NPAS2: variants seen among roughly 807,000 people sequenced by gnomAD.
NPAS2 encodes neuronal PAS domain-containing protein 2.
NPAS2 carries 23 observed loss-of-function variants against 107.5 expected under a neutral mutation model. That is an observed-to-expected ratio of 0.21 (90% CI 0.15 to 0.30). The LOEUF (loss-of-function observed/expected upper bound fraction) is 0.30. Ranked by LOEUF, NPAS2 falls within the 10% of genes least tolerant of loss-of-function variation. The pLI, the probability that NPAS2 is intolerant of heterozygous loss-of-function variation, is 1.00. For synonymous variants in NPAS2, 403 were observed against 417.5 expected (o/e 0.97, Z 0.42); for missense variants, 756 against 1,043.3 (o/e 0.72, Z 3.79).
intron 7 of NPAS2, among the ~76,000 whole-genome samples, chr2:100,956,315 A>T (rs1427471073): frequency 6.6e-6 from 1 of 152,164 alleles, no homozygotes; most frequent in East Asian, 1.9e-4. Flanking sequence ...CAGTGAGCAC[A>T]GCACCTGACA....
chr2:100,952,483 G>C (rs1488714598), intron 7 of NPAS2, among the ~76,000 whole-genome samples: 1 of 152,032 alleles, frequency 6.6e-6, no homozygotes, highest in Admixed American at 6.5e-5. Context: ...AGAATTACTT[G>C]AACCTGGGAG....
rs781706781 is a variant in NPAS2, at chr2:100,937,806, C to T, written c.327C>T (p.Val109=). Residue 109 remains valine (V), a synonymous_variant, in exon 5 of 21, where the codon GTC becomes GTT. Coordinates refer to ENST00000335681, the MANE Select transcript of NPAS2 (RefSeq NM_002518.4). ...AVTTDGSIIY[V]SDSITPLLGH... ...CAACAGACGGCAGCATCATCTATGT[C>T]TCTGACAGTATCACGCCTCTCCTTG... is the stretch of plus-strand genomic sequence containing the variant. 2 of 1,614,144 alleles carry T rather than the reference C, an allele frequency of 1.2e-6. No homozygotes were observed. Among genetic ancestry groups the T allele is most frequent in the Non-Finnish European group, 1.7e-6 (2 of 1,179,986 alleles).
intron 1 of NPAS2, chr2:100,901,589 C>T (rs1199329168): frequency 2.0e-6 from 2 of 978,960 alleles, no homozygotes; most frequent in African/African-American, 1.8e-5. Context: ...GGAGATGCAG[C>T]AGGAGATCAG....
At chr2:100,875,916 C>T (rs1033448843) in intron 1 of NPAS2, among the ~76,000 whole-genome samples, 1 of 152,142 alleles carries the variant, frequency 6.6e-6, no homozygotes, top group Non-Finnish European at 1.5e-5. Flanking sequence ...GATATTAGCA[C>T]AGAAGGGAAA....
In NPAS2 at chr2:100,944,479, G is replaced by A. The variant is rs1027372281; in HGVS notation, c.364-3756G>A. Among the ~76,000 whole-genome samples, 4 of 152,114 alleles carry A rather than the reference G, an allele frequency of 2.6e-5. No individual in the cohort carries two copies. In the East Asian group the frequency reaches 7.7e-4, roughly 29 times the overall value. Reference sequence around the variant, plus strand: ...GTGACCTTCCCGATCGTGGGACTCGGCTGTAAAGACGGCTGTGGATGGCAC... The same window carrying A: ...GTGACCTTCCCGATCGTGGGACTCGACTGTAAAGACGGCTGTGGATGGCAC... On this transcript the variant is annotated intron_variant, in intron 5 of 20. Coordinates refer to ENST00000335681, the MANE Select transcript of NPAS2 (RefSeq NM_002518.4).
chr2:100,937,989 A>G, intron 5 of NPAS2, 147 bp downstream of exon 5: 1 of 724,148 alleles, frequency 1.4e-6, no homozygotes. Context: ...AGTTTTGGGG[A>G]CAGGACCAGG....
intron 1 of NPAS2, among the ~76,000 whole-genome samples, chr2:100,842,118 C>T (rs1022464861): frequency 1.3e-5 from 2 of 152,056 alleles, no homozygotes; most frequent in South Asian, 4.2e-4. Flanking sequence ...CACTTAAGCC[C>T]CCAGGTGCCA....
chr2:100,850,934 C>T (rs1678129916), intron 1 of NPAS2, among the ~76,000 whole-genome samples: 1 of 88,772 alleles, frequency 1.1e-5, no homozygotes, highest in Non-Finnish European at 2.0e-5. Flanking sequence ...GCCTGGGCAA[C>T]AAGAGTGAAA....
chr2:100,959,124 G>T (rs905940600), intron 7 of NPAS2, among the ~76,000 whole-genome samples: 1 of 138,196 alleles, frequency 7.2e-6, no homozygotes, highest in Non-Finnish European at 1.5e-5. Context: ...ACTAAAATTA[G>T]CCAGGCATGG....
intron 20 of NPAS2, 28 bp from the exon 21 acceptor site, chr2:100,995,372 C>A (rs1460555400): frequency 2.8e-5 from 44 of 1,595,402 alleles, no homozygotes; most frequent in Non-Finnish European, 3.7e-5. Flanking sequence ...AGAACCACCT[C>A]TGAAGCCCTT....
At chr2:100,978,743 G>A (rs536465026) in intron 15 of NPAS2, among the ~76,000 whole-genome samples, 80 of 152,332 alleles carry the variant, frequency 5.3e-4, no homozygotes, top group African/African-American at 1.7e-3. Flanking sequence ...CAGGGCATGC[G>A]TTTTTATAGA....
Position 100,953,796 on chromosome 2 carries a change from G to T in NPAS2, c.598+4316G>T, listed in dbSNP as rs577305623. Among the ~76,000 whole-genome samples, 6 of 152,292 alleles carry T rather than the reference G, an allele frequency of 3.9e-5. No homozygotes were observed. The East Asian group carries it at 9.7e-4, about 25-fold the overall frequency. On this transcript the variant is annotated intron_variant, in intron 7 of 20. Coordinates refer to ENST00000335681, the MANE Select transcript of NPAS2 (RefSeq NM_002518.4). ...CTGTGTCGGAATGAAACAGACACAG[G>T]CCCGCTCCGGCCTCCTGGCATTCTG...
chr2:100,970,878 G>C (rs936747277), intron 11 of NPAS2, 112 bp from the exon 12 acceptor site: 7 of 829,234 alleles, frequency 8.4e-6, no homozygotes, highest in East Asian at 7.9e-5. Context: ...TGACTGTTGT[G>C]GGGGGCAGGG....
At position 100,968,553 on chromosome 2, in the gene NPAS2, G is replaced by T. The variant is rs1676365436; in HGVS notation, c.1055+125G>T. 1 of 907,266 alleles carries T rather than the reference G, an allele frequency of 1.1e-6. No individual in the cohort carries two copies. The highest frequency in any genetic ancestry group is 1.7e-6 in the Non-Finnish European group (1 of 605,394). The allele number at this position is 907,266 out of a possible 1,614,324, so 56.2% of individuals were successfully genotyped here. On this transcript the variant is annotated intron_variant, in intron 11 of 20. Transcript: ENST00000335681. This position sits in a 1 kb window ranked among gnomAD's most constrained non-coding sequence, Gnocchi z 5.3. ...CTCAGGTGTTCCCCATTTCGAAGAT[G>T]AAGCCCAGGCCATCCCCTGCCGTTA...
At chr2:100,859,750 C>T (rs1203908886) in intron 1 of NPAS2, among the ~76,000 whole-genome samples, 2 of 151,974 alleles carry the variant, frequency 1.3e-5, no homozygotes, top group Non-Finnish European at 2.9e-5. Context: ...AGTGGGAAAG[C>T]GGTAAGGGTG....
In NPAS2 at chr2:100,932,917, A is replaced by G; in HGVS notation, c.189A>G (p.Ser63=). ...IGFLQKHNEV[S]AQTEICDIQQ... is the part of the protein sequence containing the mutation. ...TTTGTGTCTCTTTTCTAGAAGTCTC[A>G]GCGCAAACGGAAATCTGTGACATTC... Residue 63 remains serine, a synonymous_variant, in exon 4 of 21, where the codon TCA becomes TCG. Transcript: ENST00000335681. The G allele has an allele frequency of 6.2e-7, 1 of 1,613,002 alleles. No homozygotes were observed. The highest frequency in any genetic ancestry group is 8.5e-7 in the Non-Finnish European group (1 of 1,178,928).
intron 1 of NPAS2, among the ~76,000 whole-genome samples, chr2:100,843,976 T>A (rs1442488171): frequency 6.6e-6 from 1 of 152,088 alleles, no homozygotes; most frequent in Non-Finnish European, 1.5e-5. Context: ...ATTCCAATGA[T>A]TAGATACACC....
intron 4 of NPAS2, chr2:100,935,046 G>A (rs932481213): frequency 1.3e-5 from 13 of 985,358 alleles, no homozygotes; most frequent in Non-Finnish European, 1.6e-5. Flanking sequence ...GACTCCAGGA[G>A]GACTCACATA....
chr2:100,841,924 T>C (rs1355074750), intron 1 of NPAS2, among the ~76,000 whole-genome samples: 1 of 152,220 alleles, frequency 6.6e-6, no homozygotes, highest in Non-Finnish European at 1.5e-5. Context: ...TGCACATGTA[T>C]GTATACCATA....
Sources: gnomAD v4.1 joint callset for allele counts (sites outside exome capture counted in the v4.1 genomes callset) on GRCh38, gnomAD v4.1.1 for gene constraint, Gnocchi (gnomAD v3.1) non-coding constraint, MANE v1.5 for transcripts, NCBI Gene and HGNC (gene_info 2026-07-23, HGNC 2026-07-21) for gene names.